Variants in TTLL7 observed in about 807,000 individuals in gnomAD.
TTLL7 encodes tubulin polyglutamylase TTLL7.
TTLL7 carries 53 observed loss-of-function variants against 120.2 expected under a neutral mutation model. The observed-to-expected ratio is 0.44, with a 90% CI of 0.35 to 0.55. The LOEUF is 0.55. Among genes scored for constraint, TTLL7 ranks in the 20% least tolerant of loss-of-function variants. The pLI, the probability that TTLL7 is intolerant of heterozygous loss-of-function variation, is 0.00. For synonymous variants in TTLL7, 353 were observed against 351.7 expected, an observed-to-expected ratio of 1.00 and a Z score of -0.04; for missense variants, 803 against 1,054.7, an observed-to-expected ratio of 0.76 and a Z score of 3.31.
At chr1:83,872,732 C>A (rs1046314650) in intron 20 of TTLL7, among the ~76,000 whole-genome samples, 1 of 152,212 alleles carries the variant, frequency 6.6e-6, no homozygotes, top group Non-Finnish European at 1.5e-5. Flanking sequence ...AAATAACTTA[C>A]ACTATTTTAC....
chr1:83,914,233 T>A (rs1657910119), intron 14 of TTLL7, among the ~76,000 whole-genome samples: 1 of 152,032 alleles, frequency 6.6e-6, no homozygotes, highest in Non-Finnish European at 1.5e-5. Context: ...AAACTTTTCA[T>A]GTTTCTACAA....
At chr1:83,932,180 G>T (rs1489251738) in intron 9 of TTLL7, among the ~76,000 whole-genome samples, 1 of 152,050 alleles carries the variant, frequency 6.6e-6, no homozygotes, top group African/African-American at 2.4e-5. Flanking sequence ...TTCTAAAAAG[G>T]TAACTAAGAT....
At position 83,911,337 on chromosome 1, in the gene TTLL7, A is replaced by T. The variant is rs141446583; in HGVS notation, c.1614T>A (p.Thr538=). 140 of 1,613,160 alleles carry T rather than the reference A, an allele frequency of 8.7e-5. 1 individual carries two copies. The African/African-American group carries it at 1.6e-3, about 19-fold the overall frequency. The change falls in exon 15 of 21, where the codon ACT becomes ACA. Residue 538 remains threonine (T), a synonymous_variant. Coordinates refer to ENST00000260505, the MANE Select transcript of TTLL7 (RefSeq NM_024686.6). ...AGTACTTTGGTCTTTTCATTATCTC[A>T]GTACTCTCAGGCATAGAACACAGAG... is the stretch of plus-strand genomic sequence containing the variant. ...PKPLCSMPES[T]EIMKRPKYCS...
chr1:83,974,855 A>T (rs924686882), intron 1 of TTLL7, among the ~76,000 whole-genome samples: 15 of 152,034 alleles, frequency 9.9e-5, no homozygotes, highest in Admixed American at 5.3e-4. Flanking sequence ...CAATCTAAAA[A>T]TTTTTTTAAG....
intron 20 of TTLL7, among the ~76,000 whole-genome samples, chr1:83,875,651 T>C (rs1165117034): frequency 6.6e-6 from 1 of 151,916 alleles, no homozygotes; most frequent in African/African-American, 2.4e-5. Context: ...TTACTCTATG[T>C]TCTCATCAAC....
chr1:83,926,167 G>A (rs1012248904), intron 10 of TTLL7, among the ~76,000 whole-genome samples: 2 of 151,282 alleles, frequency 1.3e-5, no homozygotes, highest in South Asian at 4.2e-4. Context: ...TTTAACCTTT[G>A]TGGGTTGGAG....
At chr1:83,870,429 T>C (rs1286788714) in intron 20 of TTLL7, among the ~76,000 whole-genome samples, 1 of 152,198 alleles carries the variant, frequency 6.6e-6, no homozygotes, top group Non-Finnish European at 1.5e-5. Context: ...GATTTGAGAA[T>C]TTGACTAGCC....
At chr1:83,979,154 C>G (rs138392778) in intron 1 of TTLL7, 379 of 152,318 alleles carry the variant, frequency 2.5e-3, no homozygotes, top group African/African-American at 8.7e-3. Flanking sequence ...GGAGGCCAGC[C>G]ACACAGAAGA....
chr1:83,936,115 A>G (rs983672633), intron 8 of TTLL7, among the ~76,000 whole-genome samples: 2 of 152,178 alleles, frequency 1.3e-5, no homozygotes, highest in African/African-American at 4.8e-5. Context: ...AATTATACTT[A>G]ACGTTCTAAC....
intron 20 of TTLL7, among the ~76,000 whole-genome samples, chr1:83,878,174 T>G (rs1425252743): frequency 6.6e-6 from 1 of 151,764 alleles, no homozygotes. Context: ...AATTTCAATC[T>G]TCTGAAATTC....
intron 18 of TTLL7, among the ~76,000 whole-genome samples, chr1:83,890,995 C>T (rs2100726861): frequency 1.3e-5 from 2 of 152,080 alleles, no homozygotes; most frequent in Middle Eastern, 6.8e-3. Flanking sequence ...TAAGGTCATA[C>T]ATGTTAATAA....
At chr1:83,925,065 C>T (rs1275848024) in intron 10 of TTLL7, among the ~76,000 whole-genome samples, 1 of 152,140 alleles carries the variant, frequency 6.6e-6, no homozygotes, top group Non-Finnish European at 1.5e-5. Context: ...ATACTGGCAT[C>T]CCTCAGGGTT....
At chr1:83,996,543 A>T (rs1181847852) in intron 1 of TTLL7, among the ~76,000 whole-genome samples, 1 of 152,228 alleles carries the variant, frequency 6.6e-6, no homozygotes, top group Non-Finnish European at 1.5e-5. Flanking sequence ...TCCTCTGATC[A>T]TCCAAGGCTC....
At chr1:83,914,323 C>CTTTTTTTTTTTTTTTTT (rs1171299360) in intron 14 of TTLL7, among the ~76,000 whole-genome samples, 2 of 78,282 alleles carry the variant, frequency 2.6e-5, no homozygotes, top group Non-Finnish European at 4.5e-5. Flanking sequence ...CTCTCTCTCT[C>CTTTTTTTTTTTTTTTTT]TTTTTTTTTT....
chr1:83,915,703 G>A (rs1464242456), intron 14 of TTLL7, among the ~76,000 whole-genome samples: 1 of 151,772 alleles, frequency 6.6e-6, no homozygotes, highest in Admixed American at 6.6e-5. Context: ...GAGTGAACAG[G>A]CAACCTACAG....
At chr1:83,937,405 GT>G (rs1296547719) in intron 8 of TTLL7, among the ~76,000 whole-genome samples, 1 of 152,054 alleles carries the variant, frequency 6.6e-6, no homozygotes, top group Non-Finnish European at 1.5e-5. Flanking sequence ...GTTTCACCAT[GT>G]TGGCCAGGCT....
intron 1 of TTLL7, among the ~76,000 whole-genome samples, chr1:83,985,670 C>A (rs1571393974): frequency 6.6e-6 from 1 of 152,034 alleles, no homozygotes; most frequent in East Asian, 1.9e-4. Context: ...GGCAACATAG[C>A]AAGGCCTGTC....
intron 19 of TTLL7, among the ~76,000 whole-genome samples, chr1:83,885,510 T>G (rs1654898166): frequency 6.6e-6 from 1 of 152,044 alleles, no homozygotes; most frequent in Non-Finnish European, 1.5e-5. Context: ...CATTCTCCCT[T>G]AAATATTTAA....
Position 83,953,951 on chromosome 1 carries a change from C to T in TTLL7, c.-176-1564G>A, listed in dbSNP as rs543036416. On this transcript the variant is annotated intron_variant, in intron 1 of 20. Transcript: ENST00000260505. ...ACATCTCTAAACTGATCTCAGCTCC[C>T]AATGCCAAGCTGGAAACAGACTGGA... Among the ~76,000 whole-genome samples the T allele has an allele frequency of 1.4e-4, 22 of 152,260 alleles. No homozygotes were observed. In the South Asian group the frequency reaches 4.6e-3, roughly 32 times the overall value.
Sources: allele counts gnomAD v4.1 joint callset (sites outside exome capture counted in the v4.1 genomes callset), GRCh38; gene constraint gnomAD v4.1.1; transcripts MANE v1.5; gene names NCBI Gene and HGNC (gene_info 2026-07-23, HGNC 2026-07-21).